Variants in PLEKHA8 observed in about 807,000 individuals in gnomAD.
The protein encoded by PLEKHA8 is pleckstrin homology domain containing A8.
Under a neutral mutation model 68.2 loss-of-function variants are expected in PLEKHA8, and 36 were observed. The ratio of observed to expected loss-of-function variants is 0.53; its 90% confidence interval spans 0.40 to 0.70. The LOEUF (loss-of-function observed/expected upper bound fraction) is 0.70, where lower values mean the gene tolerates loss of function less well. Among genes scored for constraint, PLEKHA8 ranks in the 30% least tolerant of loss-of-function variants. The pLI, the probability that PLEKHA8 is intolerant of heterozygous loss-of-function variation, is 0.00. For synonymous variants in PLEKHA8, 211 were observed against 216.1 expected (o/e 0.98, Z 0.20); for missense variants, 505 against 615.4 (o/e 0.82, Z 1.90).
rs1795039557 is a variant in PLEKHA8 at position 30,083,380 on chromosome 7, A to G, written c.*4593A>G. ...TATTTTAAGACTGTTTATCTGTATC[A>G]CAACGTCATTAGGAGTTCTTTCAAC... On this transcript the variant is annotated 3_prime_UTR_variant, in exon 14 of 14. Transcript: ENST00000449726. 1.0e-6 allele frequency: 1 copy of G among 983,796 alleles called. No homozygotes were observed. The highest frequency in any genetic ancestry group is 4.7e-5 in the South Asian group (1 of 21,244). 60.9% of individuals were successfully genotyped at this position (983,796 alleles called of 1,614,324 possible). A position where few individuals can be genotyped will look rare whatever the true frequency, so the allele number is the denominator to read the frequency against.
chr7:30,127,449 C>T (rs931749123), intron 13 of PLEKHA8, among the ~76,000 whole-genome samples: 1 of 152,166 alleles, frequency 6.6e-6, no homozygotes, highest in African/African-American at 2.4e-5. Flanking sequence ...AACTTCTAGA[C>T]AGAAGTTAAC....
intron 3 of PLEKHA8, 138 bp downstream of exon 3, chr7:30,046,503 T>C (rs990515034): frequency 1.3e-5 from 13 of 1,011,520 alleles, no homozygotes; most frequent in Admixed American, 6.3e-5. Context: ...CTTAGTATAA[T>C]TTAAACCAGG....
intron 13 of PLEKHA8, among the ~76,000 whole-genome samples, chr7:30,099,673 G>A (rs755383496): frequency 1.4e-4 from 22 of 152,194 alleles, no homozygotes; most frequent in Non-Finnish European, 2.8e-4. Context: ...TATACACCAA[G>A]TTATACCATA....
Position 30,049,344 on chromosome 7 carries a change from C to T in PLEKHA8, c.559C>T (p.Pro187Ser). The T allele has an allele frequency of 6.2e-7, 1 of 1,614,148 alleles. No individual in the cohort carries two copies. The highest frequency in any genetic ancestry group is 2.2e-5 in the East Asian group (1 of 44,884). The change falls in exon 5 of 14, where the codon CCA becomes TCA. Residue 187 changes from proline to serine, a missense_variant. Coordinates refer to ENST00000449726, the MANE Select transcript of PLEKHA8 (RefSeq NM_001197026.2). ...CTCTGAGCTGCTCTACCGCACTCCA[C>T]CAGGATCACCTCAGCTGGCCATGCT... Reference protein sequence around the residue: ...FTSELLYRTPPGSPQLAMLKS... With the variant: ...FTSELLYRTPSGSPQLAMLKS...
intron 1 of PLEKHA8, among the ~76,000 whole-genome samples, chr7:30,029,362 T>C (rs1790475319): frequency 6.6e-6 from 1 of 152,236 alleles, no homozygotes; most frequent in Non-Finnish European, 1.5e-5. Flanking sequence ...GGTTTTTTAT[T>C]TTCTCGTTGA....
rs1794791353 is a variant in PLEKHA8, at chr7:30,079,096, T to C, written c.*309T>C. Reference sequence around the variant, plus strand: ...TTGCTGTTATTGTGTATTGTATTGTTTTTATATTTTAGTCTAATGGGCCAC... The same window carrying C: ...TTGCTGTTATTGTGTATTGTATTGTCTTTATATTTTAGTCTAATGGGCCAC... On this transcript the variant is annotated 3_prime_UTR_variant, in exon 14 of 14. Coordinates refer to ENST00000449726, the MANE Select transcript of PLEKHA8 (RefSeq NM_001197026.2). 9.4e-7 allele frequency: 1 copy of C among 1,068,730 alleles called. No homozygotes were observed. 66.2% of individuals were successfully genotyped at this position (1,068,730 alleles called of 1,614,324 possible). A position where few individuals can be genotyped will look rare whatever the true frequency, so the allele number is the denominator to read the frequency against.
intron 4 of PLEKHA8, 69 bp downstream of exon 4, chr7:30,048,025 C>A: frequency 2.3e-6 from 2 of 887,358 alleles, no homozygotes; most frequent in Non-Finnish European, 2.9e-6. Context: ...CCAGTATATC[C>A]AATTCTGAGG....
At position 30,041,742 on chromosome 7, in the gene PLEKHA8, G is replaced by A. The variant is rs1244255729; in HGVS notation, c.41-3343G>A. Among the ~76,000 whole-genome samples the A allele has an allele frequency of 2.6e-5, 4 of 152,130 alleles. No homozygotes were observed. In the East Asian group the frequency reaches 5.8e-4, roughly 22 times the overall value. ...CTGCAGCTGTGCTTTGGGTGGGGTTGAGAGCTGCTCTTCAACATTTTTCAG... is the reference window on the plus strand; with the variant it reads ...CTGCAGCTGTGCTTTGGGTGGGGTTAAGAGCTGCTCTTCAACATTTTTCAG... On this transcript the variant is annotated intron_variant, in intron 1 of 13. Transcript: ENST00000449726.
chr7:30,089,713 G>A (rs549385660), intron 12 of PLEKHA8, among the ~76,000 whole-genome samples: 28 of 152,242 alleles, frequency 1.8e-4, no homozygotes, highest in Non-Finnish European at 3.2e-4. Flanking sequence ...TGGAAAAAAA[G>A]CTAGTCCAAG....
rs1342689416 is a variant in PLEKHA8 at position 30,079,807 on chromosome 7, G to A, written c.*1020G>A. ...ATCTGCATTTCAGTAAACTTTACAC[G>A]TGATTCTTCTGCACACAGTATTGAA... On this transcript the variant is annotated 3_prime_UTR_variant, in exon 14 of 14. Transcript: ENST00000449726. 8 of 891,836 alleles carry A rather than the reference G, an allele frequency of 9.0e-6. No homozygotes were observed. The highest frequency in any genetic ancestry group is 9.4e-6 in the Non-Finnish European group (7 of 745,016). 55.2% of individuals were successfully genotyped at this position (891,836 alleles called of 1,614,324 possible).
At chr7:30,115,199 G>A (rs946597843) in intron 13 of PLEKHA8, among the ~76,000 whole-genome samples, 13 of 152,060 alleles carry the variant, frequency 8.5e-5, no homozygotes, top group African/African-American at 2.9e-4. Context: ...AGGCAGTATG[G>A]CAGGAGAGTT....
At chr7:30,094,104 G>T (rs187344206), downstream of PLEKHA8, among the ~76,000 whole-genome samples, 56 of 152,278 alleles carry the variant, frequency 3.7e-4, no homozygotes, top group Non-Finnish European at 2.9e-5. Flanking sequence ...TTCCTTTTCA[G>T]CTCACTCTAA....
At position 30,083,924 on chromosome 7, in the gene PLEKHA8, TGG is replaced by T. The variant is rs1795068085; in HGVS notation, c.*5138_*5139del. 1.0e-6 allele frequency: 1 copy of T among 985,368 alleles called. No individual in the cohort carries two copies. Among genetic ancestry groups the T allele is most frequent in the Non-Finnish European group, 1.2e-6 (1 of 829,920 alleles). The allele number at this position is 985,368 out of a possible 1,614,324, so 61.0% of individuals were successfully genotyped here. A position where few individuals can be genotyped will look rare whatever the true frequency, so the allele number is the denominator to read the frequency against. The stretch of plus-strand genomic sequence containing the variant: ...ATGCGTGTCTGTTTATAGGTGTATA[TGG>T]AGTCAGTGTTGATAGGAAGGATGCT... On this transcript the variant is annotated 3_prime_UTR_variant, in exon 14 of 14. Coordinates refer to ENST00000449726, the MANE Select transcript of PLEKHA8 (RefSeq NM_001197026.2).
intron 13 of PLEKHA8, among the ~76,000 whole-genome samples, chr7:30,107,231 A>G (rs1470250891): frequency 2.6e-5 from 4 of 152,142 alleles, no homozygotes; most frequent in Non-Finnish European, 5.9e-5. Flanking sequence ...ATAAAATACA[A>G]GGTACCTAGG....
rs1193693520 is a variant in PLEKHA8, at chr7:30,081,452, TA to T, written c.*2668del. 6.1e-6 allele frequency: 6 copies of T among 984,852 alleles called. No homozygotes were observed. The highest frequency in any genetic ancestry group is 7.2e-6 in the Non-Finnish European group (6 of 829,410). 61.0% of individuals were successfully genotyped at this position (984,852 alleles called of 1,614,324 possible). On this transcript the variant is annotated 3_prime_UTR_variant, in exon 14 of 14. Transcript: ENST00000449726. ...CATAGTCAGAGCTTCCTCCTACATC[TA>T]AAGTATTTGCTCTCTGTTTTAGTTA...
intron 13 of PLEKHA8, among the ~76,000 whole-genome samples, chr7:30,099,141 T>C (rs1040501508): frequency 2.0e-5 from 3 of 152,232 alleles, no homozygotes; most frequent in African/African-American, 7.2e-5. Context: ...AGATATTTAA[T>C]CACACATCCA....
At chr7:30,116,125 T>C (rs1214682875) in intron 13 of PLEKHA8, 2 of 150,588 alleles carry the variant, frequency 1.3e-5, no homozygotes, top group African/African-American at 4.9e-5. Context: ...CGTATACATG[T>C]GTATACATAT....
At chr7:30,034,026 T>C (rs1292241555) in intron 1 of PLEKHA8, among the ~76,000 whole-genome samples, 7 of 124,530 alleles carry the variant, frequency 5.6e-5, no homozygotes, top group South Asian at 3.0e-4. Flanking sequence ...TTTTTTTTTT[T>C]TTTTTTTTTT....
Position 30,080,852 on chromosome 7 carries a change from C to A in PLEKHA8, c.*2065C>A, listed in dbSNP as rs926766667. 35 of 985,158 alleles carry A rather than the reference C, an allele frequency of 3.6e-5. No homozygotes were observed. The highest frequency in any genetic ancestry group is 6.2e-5 in the Admixed American group (1 of 16,250). 61.0% of individuals were successfully genotyped at this position (985,158 alleles called of 1,614,324 possible). A position where few individuals can be genotyped will look rare whatever the true frequency, so the allele number is the denominator to read the frequency against. On this transcript the variant is annotated 3_prime_UTR_variant, in exon 14 of 14. Coordinates refer to ENST00000449726, the MANE Select transcript of PLEKHA8 (RefSeq NM_001197026.2). Reference sequence around the variant, plus strand: ...CCCCCTAAAACGGAAAAAGAAAAAGCCAGTTTTTGCTTGTACTTTGAATGA... The same window carrying A: ...CCCCCTAAAACGGAAAAAGAAAAAGACAGTTTTTGCTTGTACTTTGAATGA...
Sources: allele counts gnomAD v4.1 joint callset (sites outside exome capture counted in the v4.1 genomes callset), GRCh38; gene constraint gnomAD v4.1.1; transcripts MANE v1.5; gene names NCBI Gene and HGNC (gene_info 2026-07-23, HGNC 2026-07-21).